LRMDA: variants seen among roughly 807,000 people sequenced by gnomAD.
LRMDA encodes leucine-rich melanocyte differentiation-associated protein.
LRMDA carries 18 observed loss-of-function variants against 29.8 expected under a neutral mutation model. The observed-to-expected ratio is 0.60, with a 90% CI of 0.42 to 0.90. LRMDA has a LOEUF of 0.90. Among genes scored for constraint, LRMDA ranks in the 40% least tolerant of loss-of-function variants. The pLI, the probability that LRMDA is intolerant of heterozygous loss-of-function variation, is 0.00. For synonymous variants in LRMDA, 125 were observed against 109.4 expected (o/e 1.14, Z -0.89); for missense variants, 273 against 273.9 (o/e 1.00, Z 0.02).
chr10:76,481,373 C>T (rs998678833), intron 6 of LRMDA, among the ~76,000 whole-genome samples: 11 of 151,874 alleles, frequency 7.2e-5, no homozygotes, highest in African/African-American at 2.7e-4. Flanking sequence ...ATGAACTCAG[C>T]ACATTTTTGA....
intron 5 of LRMDA, among the ~76,000 whole-genome samples, chr10:76,063,761 T>A (rs1054896420): frequency 6.6e-6 from 1 of 152,210 alleles, no homozygotes; most frequent in South Asian, 2.1e-4. Flanking sequence ...TACATAGTCC[T>A]GCCATTGACT....
intron 2 of LRMDA, among the ~76,000 whole-genome samples, chr10:76,007,766 C>T (rs1847698430): frequency 6.6e-6 from 1 of 152,124 alleles, no homozygotes; most frequent in South Asian, 2.1e-4. Flanking sequence ...AGATGCTCTT[C>T]CAAAGGATTT....
At chr10:76,375,173 ACT>A (rs922465915) in intron 6 of LRMDA, among the ~76,000 whole-genome samples, 5 of 152,106 alleles carry the variant, frequency 3.3e-5, no homozygotes, top group African/African-American at 1.2e-4. Context: ...TTTTTCTAAA[ACT>A]CTCTGATGAT....
At chr10:75,600,548 A>G (rs533193782) in intron 2 of LRMDA, among the ~76,000 whole-genome samples, 22 of 152,344 alleles carry the variant, frequency 1.4e-4, no homozygotes, top group African/African-American at 4.6e-4. Context: ...TGAAGAGGAA[A>G]ATAGACCTGG....
At chr10:76,120,583 AT>A (rs1243267286) in intron 5 of LRMDA, among the ~76,000 whole-genome samples, 1 of 152,204 alleles carries the variant, frequency 6.6e-6, no homozygotes, top group Non-Finnish European at 1.5e-5. Context: ...AACAACAAAA[AT>A]AGGATCTTAC....
At chr10:76,409,938 A>G (rs942237358) in intron 6 of LRMDA, among the ~76,000 whole-genome samples, 2 of 152,204 alleles carry the variant, frequency 1.3e-5, no homozygotes, top group Admixed American at 1.3e-4. Flanking sequence ...AGTTATGGGA[A>G]CATTTGAAGG....
chr10:75,751,578 G>A (rs1842969974), intron 2 of LRMDA, among the ~76,000 whole-genome samples: 1 of 152,066 alleles, frequency 6.6e-6, no homozygotes, highest in Non-Finnish European at 1.5e-5. Flanking sequence ...AGAAGGGTTG[G>A]GAGGATTCAA....
chr10:75,736,920 T>A (rs1317458966), intron 2 of LRMDA, among the ~76,000 whole-genome samples: 2 of 152,202 alleles, frequency 1.3e-5, no homozygotes, highest in African/African-American at 4.8e-5. Context: ...GCTATTTAGC[T>A]ATTTAGTAGG....
intron 6 of LRMDA, among the ~76,000 whole-genome samples, chr10:76,423,298 G>A (rs1445000691): frequency 6.6e-6 from 1 of 152,196 alleles, no homozygotes; most frequent in Non-Finnish European, 1.5e-5. Flanking sequence ...TGAGGCTGAG[G>A]TGGGAGGATC....
intron 2 of LRMDA, among the ~76,000 whole-genome samples, chr10:75,904,990 G>C (rs891534496): frequency 6.6e-6 from 1 of 152,126 alleles, no homozygotes; most frequent in Non-Finnish European, 1.5e-5. Context: ...GGAGGGGAGA[G>C]AGGGGGAGAA....
intron 2 of LRMDA, among the ~76,000 whole-genome samples, chr10:75,515,600 G>C (rs1845279525): frequency 1.3e-5 from 2 of 152,082 alleles, no homozygotes; most frequent in Admixed American, 1.3e-4. Context: ...GGCTGGTCTT[G>C]AACTCCTGGT....
At chr10:75,742,174 C>T (rs1842838099) in intron 2 of LRMDA, among the ~76,000 whole-genome samples, 1 of 152,234 alleles carries the variant, frequency 6.6e-6, no homozygotes, top group Non-Finnish European at 1.5e-5. Flanking sequence ...CTGTAAGATG[C>T]ACGTTCCTTG....
intron 1 of LRMDA, among the ~76,000 whole-genome samples, chr10:75,436,056 TAAAAA>T (rs201038266): frequency 7.9e-6 from 1 of 127,004 alleles, no homozygotes; most frequent in Non-Finnish European, 1.7e-5. Flanking sequence ...CCCATCTCTT[TAAAAA>T]AAAAAAAAAA....
chr10:75,439,329 C>T (rs113523996), intron 2 of LRMDA, among the ~76,000 whole-genome samples: 2,478 of 152,232 alleles, frequency 0.016, 22 homozygotes, highest in African/African-American at 0.031. Context: ...GCTGTGCTGC[C>T]CTCTGAGTGG....
At chr10:76,386,537 G>A (rs1841661787) in intron 6 of LRMDA, among the ~76,000 whole-genome samples, 1 of 152,090 alleles carries the variant, frequency 6.6e-6, no homozygotes, top group African/African-American at 2.4e-5. Context: ...AGTTTTATTT[G>A]TCAGCCTTGA....
intron 2 of LRMDA, among the ~76,000 whole-genome samples, chr10:75,585,742 T>C (rs957456045): frequency 1.3e-5 from 2 of 152,220 alleles, no homozygotes; most frequent in African/African-American, 2.4e-5. Context: ...TTATTGTTGA[T>C]TGTAGATACA....
chr10:75,645,216 C>T (rs923355171), intron 2 of LRMDA, among the ~76,000 whole-genome samples: 14 of 152,174 alleles, frequency 9.2e-5, no homozygotes, highest in Non-Finnish European at 1.2e-4. Flanking sequence ...CTCCTGAGCT[C>T]AGGTGATGTA....
intron 5 of LRMDA, among the ~76,000 whole-genome samples, chr10:76,164,992 G>A (rs1175990836): frequency 6.6e-6 from 1 of 152,194 alleles, no homozygotes. Context: ...TGTTTATTGA[G>A]ACGAAGTCTT....
chr10:75,919,470 C>T (rs1845992310), intron 2 of LRMDA, among the ~76,000 whole-genome samples: 1 of 152,174 alleles, frequency 6.6e-6, no homozygotes, highest in Non-Finnish European at 1.5e-5. Flanking sequence ...CACCGCCACT[C>T]GTTGAGCTGT....
Sources: gnomAD v4.1 joint callset for allele counts (sites outside exome capture counted in the v4.1 genomes callset) on GRCh38, gnomAD v4.1.1 for gene constraint, MANE v1.5 for transcripts, NCBI Gene and HGNC (gene_info 2026-07-23, HGNC 2026-07-21) for gene names.